The following LDHB variants were observed in gnomAD, a reference collection of about 807,000 sequenced individuals.
LDHB encodes lactate dehydrogenase B, also known as L-lactate dehydrogenase B chain.
LDHB carries 18 observed loss-of-function variants against 33.4 expected under a neutral mutation model. That is an observed-to-expected ratio of 0.54 (90% confidence interval 0.37 to 0.80). The LOEUF (loss-of-function observed/expected upper bound fraction) is 0.80, where lower values mean the gene tolerates loss of function less well. LDHB is among the 30% of genes least tolerant of loss of function. The pLI is 0.00. For synonymous variants in LDHB, 121 were observed against 140.6 expected (o/e 0.86, Z 0.98); for missense variants, 345 against 407.9 (o/e 0.85, Z 1.33).
intron 1 of LDHB, among the ~76,000 whole-genome samples, chr12:21,655,085 C>G (rs1168479112): frequency 6.6e-6 from 1 of 151,738 alleles, no homozygotes; most frequent in Non-Finnish European, 1.5e-5. Context: ...CTCACCACTG[C>G]ACCCCAGCCT....
intron 2 of LDHB, among the ~76,000 whole-genome samples, chr12:21,652,243 T>C (rs897731778): frequency 4.6e-5 from 7 of 152,236 alleles, no homozygotes; most frequent in Admixed American, 2.0e-4. Flanking sequence ...TTTTTCTAAA[T>C]GCTTAAATAG....
chr12:21,648,044 A>G (rs1006645132), intron 2 of LDHB, among the ~76,000 whole-genome samples: 10 of 152,168 alleles, frequency 6.6e-5, no homozygotes, highest in African/African-American at 2.4e-4. Flanking sequence ...AAAGGAAAAA[A>G]AAAAGGTGGT....
At chr12:21,650,105 T>TAC (rs765877721) in intron 2 of LDHB, among the ~76,000 whole-genome samples, 2,076 of 30,968 alleles carry the variant, frequency 0.067, 59 homozygotes, top group African/African-American at 0.15. Flanking sequence ...AGAAAAAAAA[T>TAC]ACACACACAC....
intron 7 of LDHB, among the ~76,000 whole-genome samples, chr12:21,636,561 T>C (rs781284230): frequency 6.6e-6 from 1 of 152,102 alleles, no homozygotes; most frequent in Non-Finnish European, 1.5e-5. Flanking sequence ...TACCCAATTA[T>C]TGACACACTT....
chr12:21,643,820 A>G (rs903701116), intron 4 of LDHB, 115 bp downstream of exon 4: 2 of 821,892 alleles, frequency 2.4e-6, no homozygotes, highest in Non-Finnish European at 4.2e-6. Context: ...GAAAGAAGAC[A>G]TGTAAACTGC....
chr12:21,639,672 G>A (rs1032069586), intron 5 of LDHB, among the ~76,000 whole-genome samples: 15 of 151,934 alleles, frequency 9.9e-5, no homozygotes, highest in African/African-American at 3.6e-4. Context: ...GAGGAAACAG[G>A]TTCAGAGAAG....
Position 21,646,788 on chromosome 12 carries a change from T to C in LDHB, c.247+111A>G, listed in dbSNP as rs551413942. 4.0e-6 allele frequency: 3 copies of C among 753,966 alleles called. No homozygotes were observed. The African/African-American group carries it at 5.2e-5, about 13-fold the overall frequency. 46.7% of individuals were successfully genotyped at this position (753,966 alleles called of 1,614,324 possible). On this transcript the variant is annotated intron_variant, in intron 3 of 7. Coordinates refer to ENST00000350669, the MANE Select transcript of LDHB (RefSeq NM_002300.8). ...GTTATTGAAATAACTGTTCCAAAAC[T>C]TCAACCTTTCCTACTTACAAATAAA...
At chr12:21,655,984 C>T (rs962548835) in intron 1 of LDHB, among the ~76,000 whole-genome samples, 1 of 152,098 alleles carries the variant, frequency 6.6e-6, no homozygotes, top group African/African-American at 2.4e-5. Flanking sequence ...TGTAGTAGCC[C>T]ATTGTAATGT....
At chr12:21,657,712 C>T (rs11046147) in intron 1 of LDHB, 39 bp downstream of exon 1, 38,422 of 152,384 alleles carry the variant, frequency 0.25, 5,193 homozygotes, top group Middle Eastern at 0.32. Context: ...ATCAGGCTTG[C>T]CTGTGGGCCA....
Position 21,654,008 on chromosome 12 carries a change from A to G in LDHB, c.129+535T>C, listed in dbSNP as rs573332191. ...TGTCTCCTGATGGTCTGCACAAAGA[A>G]GGACATGACATCACCTAGTTCCAAT... is the stretch of plus-strand genomic sequence containing the variant. On this transcript the variant is annotated intron_variant, in intron 2 of 7. Coordinates refer to ENST00000350669, the MANE Select transcript of LDHB (RefSeq NM_002300.8). 1.1e-4 allele frequency among the ~76,000 whole-genome samples: 16 copies of G among 152,314 alleles called. No homozygotes were observed. The East Asian group carries it at 2.7e-3, about 26-fold the overall frequency.
chr12:21,641,937 T>C lies in LDHB; in HGVS notation c.595+15A>G. ...ACCAACATCACAAGTAATTATTTCT[T>C]TTTTTTTTCTTTACCACTTGAGTCG... On this transcript the variant is annotated intron_variant, in intron 5 of 7. Coordinates refer to ENST00000350669, the MANE Select transcript of LDHB (RefSeq NM_002300.8). The C allele has an allele frequency of 6.3e-7, 1 of 1,597,106 alleles. No individual in the cohort carries two copies. The highest frequency in any genetic ancestry group is 8.5e-7 in the Non-Finnish European group (1 of 1,171,120).
intron 1 of LDHB, chr12:21,657,029 C>G (rs1041154632): frequency 6.6e-6 from 1 of 151,790 alleles, no homozygotes; most frequent in Non-Finnish European, 1.5e-5. Flanking sequence ...CCATCTTTTC[C>G]TCAGGGCACC....
chr12:21,643,021 T>C (rs1443296689), intron 4 of LDHB, among the ~76,000 whole-genome samples: 1 of 152,248 alleles, frequency 6.6e-6, no homozygotes, highest in Admixed American at 6.5e-5. Flanking sequence ...GTCATTCCTA[T>C]TCTACATCTA....
rs746435239 is a variant in LDHB, at chr12:21,646,861, A to G, written c.247+38T>C. 4.9e-6 allele frequency: 6 copies of G among 1,235,674 alleles called. No homozygotes were observed. The South Asian group carries it at 7.2e-5, about 15-fold the overall frequency. 76.5% of individuals were successfully genotyped at this position (1,235,674 alleles called of 1,614,324 possible). On this transcript the variant is annotated intron_variant, in intron 3 of 7. Coordinates refer to ENST00000350669, the MANE Select transcript of LDHB (RefSeq NM_002300.8). ...TCCAAATGTGTTTTGGGGCCATGAAAAAAATATTAGATCACTTTGGGCATT... is the reference window on the plus strand; with the variant it reads ...TCCAAATGTGTTTTGGGGCCATGAAGAAAATATTAGATCACTTTGGGCATT...
intron 2 of LDHB, among the ~76,000 whole-genome samples, chr12:21,652,820 G>T (rs753028739): frequency 6.6e-6 from 1 of 152,186 alleles, no homozygotes; most frequent in African/African-American, 2.4e-5. Flanking sequence ...AAACTAGCTA[G>T]AAGCAAATGC....
At chr12:21,644,708 T>C (rs912069037) in intron 3 of LDHB, among the ~76,000 whole-genome samples, 4 of 152,194 alleles carry the variant, frequency 2.6e-5, no homozygotes, top group Non-Finnish European at 5.9e-5. Context: ...CTATGGATGA[T>C]TCACATAATT....
chr12:21,639,477 C>T (rs1677125), intron 5 of LDHB, among the ~76,000 whole-genome samples: 143,527 of 151,858 alleles, frequency 0.95, 68,326 homozygotes, highest in East Asian at 1. Context: ...AACTAGAGGA[C>T]ATGTAATATC....
rs779501801 is a variant in LDHB, at chr12:21,654,646, A to G, written c.26T>C (p.Ile9Thr). Residue 9 changes from isoleucine (I) to threonine (T), a missense_variant, in exon 2 of 8, where the codon ATT becomes ACT. Transcript: ENST00000350669. Reference protein sequence around the residue: MATLKEKLIAPVAEEEATV... With the variant: MATLKEKLTAPVAEEEATV... ...TGCCTCTTCTTCCGCAACTGGTGCA[A>G]TGAGTTTTTCCTTAAGAGTTGCCAT... The G allele has an allele frequency of 5.0e-6, 8 of 1,614,040 alleles. No homozygotes were observed. The highest frequency in any genetic ancestry group is 2.2e-5 in the East Asian group (1 of 44,866).
At chr12:21,648,515 A>G (rs910866887) in intron 2 of LDHB, among the ~76,000 whole-genome samples, 2 of 124,912 alleles carry the variant, frequency 1.6e-5, no homozygotes, top group Admixed American at 1.8e-4. Context: ...GTGATCAGCT[A>G]CACAGGTGAA....
Sources: allele counts gnomAD v4.1 joint callset (sites outside exome capture counted in the v4.1 genomes callset), GRCh38; gene constraint gnomAD v4.1.1; transcripts MANE v1.5; gene names NCBI Gene and HGNC (gene_info 2026-07-23, HGNC 2026-07-21).